The following ASTN2 variants were observed in gnomAD, a reference collection of about 807,000 sequenced individuals.
The protein encoded by ASTN2 is astrotactin-2.
ASTN2 carries 54 observed loss-of-function variants against 139.8 expected under a neutral mutation model. The observed-to-expected ratio is 0.39, with a 90% CI of 0.31 to 0.48. The LOEUF is 0.48. Among genes scored for constraint, ASTN2 ranks in the 20% least tolerant of loss-of-function variants. ASTN2 has a pLI of 0.95. For missense variants in ASTN2, 1,565 were observed against 1,725.1 expected (o/e 0.91, Z 1.64); for synonymous variants, 756 against 719.5 (o/e 1.05, Z -0.81).
chr9:117,240,097 T>G (rs1402827701), intron 2 of ASTN2, among the ~76,000 whole-genome samples: 1 of 152,226 alleles, frequency 6.6e-6, no homozygotes, highest in Non-Finnish European at 1.5e-5. Flanking sequence ...CAGGGGCCAT[T>G]TGTAGTTTCA....
intron 10 of ASTN2, among the ~76,000 whole-genome samples, chr9:116,912,442 G>C (rs1158437706): frequency 6.6e-6 from 1 of 152,222 alleles, no homozygotes; most frequent in Non-Finnish European, 1.5e-5. Flanking sequence ...GAAAGTGGGA[G>C]CTCACCCAGC....
At chr9:116,964,661 C>T (rs912897539) in intron 10 of ASTN2, among the ~76,000 whole-genome samples, 2 of 152,108 alleles carry the variant, frequency 1.3e-5, no homozygotes, top group African/African-American at 4.8e-5. Context: ...AACTATAGGA[C>T]ACAATTCAAG....
At chr9:116,753,860 TA>T (rs1829465639) in intron 13 of ASTN2, among the ~76,000 whole-genome samples, 1 of 152,028 alleles carries the variant, frequency 6.6e-6, no homozygotes, top group African/African-American at 2.4e-5. Context: ...TACATACGTA[TA>T]CATGTGCCAT....
At chr9:117,066,870 A>G (rs1232240292) in intron 5 of ASTN2, among the ~76,000 whole-genome samples, 1 of 130,804 alleles carries the variant, frequency 7.6e-6, no homozygotes, top group Non-Finnish European at 1.6e-5. Context: ...TTTTTCTTGT[A>G]AATTTGTTTG....
chr9:117,186,382 T>TA (rs11386910), intron 3 of ASTN2, among the ~76,000 whole-genome samples: 97,197 of 151,062 alleles, frequency 0.64, 31,491 homozygotes, highest in East Asian at 0.78. Flanking sequence ...CCGTCTCTAC[T>TA]AAAAAATACA....
chr9:117,236,108 C>A (rs1833037052), intron 2 of ASTN2, among the ~76,000 whole-genome samples: 1 of 152,150 alleles, frequency 6.6e-6, no homozygotes, highest in Non-Finnish European at 1.5e-5. Flanking sequence ...ATTATACTCA[C>A]CAGAAAACTG....
At chr9:116,968,999 T>C (rs1310756056) in intron 10 of ASTN2, among the ~76,000 whole-genome samples, 2 of 152,148 alleles carry the variant, frequency 1.3e-5, no homozygotes, top group Non-Finnish European at 2.9e-5. Context: ...GTTTTTCTTA[T>C]CCAACATCTA....
chr9:116,442,487 C>T lies in ASTN2; in HGVS notation c.3564G>A (p.Thr1188=), dbSNP rs373290466. Residue 1188 remains threonine (T), a synonymous_variant, in exon 21 of 23, where the codon ACG becomes ACA. Coordinates refer to ENST00000313400, the MANE Select transcript of ASTN2 (RefSeq NM_001365068.1). ...TGTTGTCATCTACCAGTGGACAGGC[C>T]GTCCTCAGGGTCACCGTGCTTAGCT... ...HSELSTVTLR[T]ACPLVDDNKA... 38 of 1,613,916 alleles carry T rather than the reference C, an allele frequency of 2.4e-5. No individual in the cohort carries two copies. Among genetic ancestry groups the T allele is most frequent in the East Asian group, 6.7e-5 (3 of 44,880 alleles).
In ASTN2 at chr9:116,754,894, C is replaced by T. The variant is rs1829494756; in HGVS notation, c.2397-21371G>A. ...ATTGTAGGAGAAATCAACTTCTCTT[C>T]CCTTGCTATTCCTGTAACCCACCAG... On this transcript the variant is annotated intron_variant, in intron 13 of 22. Coordinates refer to ENST00000313400, the MANE Select transcript of ASTN2 (RefSeq NM_001365068.1). Among the ~76,000 whole-genome samples the T allele has an allele frequency of 2.6e-5, 4 of 152,190 alleles. No individual in the cohort carries two copies. The South Asian group carries it at 8.3e-4, about 31-fold the overall frequency.
At chr9:117,389,401 C>G (rs1830487132) in intron 1 of ASTN2, among the ~76,000 whole-genome samples, 1 of 152,154 alleles carries the variant, frequency 6.6e-6, no homozygotes, top group Non-Finnish European at 1.5e-5. Context: ...GAGACAAATT[C>G]AACTCAACCG....
chr9:117,267,013 C>T (rs1047344981), intron 2 of ASTN2, among the ~76,000 whole-genome samples: 2 of 152,130 alleles, frequency 1.3e-5, no homozygotes, highest in Non-Finnish European at 2.9e-5. Flanking sequence ...AGTGGAGAAA[C>T]CTGGCAGCCA....
chr9:117,002,331 T>C (rs1414923256), intron 7 of ASTN2, among the ~76,000 whole-genome samples: 3 of 152,056 alleles, frequency 2.0e-5, no homozygotes, highest in Non-Finnish European at 2.9e-5. Flanking sequence ...ATGAGTAGGA[T>C]TGTGGAAGGT....
chr9:116,424,990 G>A lies in ASTN2; in HGVS notation c.*861C>T, dbSNP rs965415906. Among the ~76,000 whole-genome samples, 1 of 152,074 alleles carries A rather than the reference G, an allele frequency of 6.6e-6. No individual in the cohort carries two copies. Among genetic ancestry groups the A allele is most frequent in the Non-Finnish European group, 1.5e-5 (1 of 68,004 alleles). ...GGAAGCATTTCAGGAGCCCTCCAGT[G>A]TGTCTCATGCTCTAACAGTGAGTGC... is the stretch of plus-strand genomic sequence containing the variant. On this transcript the variant is annotated 3_prime_UTR_variant, in exon 23 of 23. Transcript: ENST00000313400.
chr9:116,919,959 A>G (rs1834555725), intron 10 of ASTN2, among the ~76,000 whole-genome samples: 1 of 151,290 alleles, frequency 6.6e-6, no homozygotes, highest in South Asian at 2.1e-4. Flanking sequence ...AAAAAAAAGT[A>G]ATTTTTTAAT....
At chr9:116,874,751 C>A (rs1833252890) in intron 10 of ASTN2, among the ~76,000 whole-genome samples, 1 of 152,120 alleles carries the variant, frequency 6.6e-6, no homozygotes, top group Non-Finnish European at 1.5e-5. Context: ...TTTTATTGTA[C>A]CTCACTTTAT....
At chr9:116,790,980 AAAG>A (rs1231803761) in intron 13 of ASTN2, among the ~76,000 whole-genome samples, 4 of 80,452 alleles carry the variant, frequency 5.0e-5, no homozygotes, top group African/African-American at 9.3e-5. Flanking sequence ...AGAAAGAAAG[AAAG>A]AAAGAAAGAA....
chr9:116,431,033 T>G (rs1847480526), intron 22 of ASTN2, among the ~76,000 whole-genome samples: 1 of 151,960 alleles, frequency 6.6e-6, no homozygotes, highest in African/African-American at 2.4e-5. Flanking sequence ...AAGCAAGAGG[T>G]GAGGGAGGGC....
chr9:116,737,610 C>CGT (rs57891581), intron 13 of ASTN2, among the ~76,000 whole-genome samples: 6,694 of 137,182 alleles, frequency 0.049, 326 homozygotes, highest in African/African-American at 0.12. Context: ...CATGTGCCAA[C>CGT]GTGTGTGTGT....
chr9:116,915,986 A>G (rs1588408664), intron 10 of ASTN2, among the ~76,000 whole-genome samples: 1 of 152,320 alleles, frequency 6.6e-6, no homozygotes, highest in East Asian at 1.9e-4. Flanking sequence ...AAGTGAGGGC[A>G]GTCTTCTGGG....
Sources: allele counts gnomAD v4.1 joint callset (sites outside exome capture counted in the v4.1 genomes callset), GRCh38; gene constraint gnomAD v4.1.1; transcripts MANE v1.5; gene names NCBI Gene and HGNC (gene_info 2026-07-23, HGNC 2026-07-21).